SKAP1: variants seen among roughly 807,000 people sequenced by gnomAD.
The protein encoded by SKAP1 is src kinase-associated phosphoprotein 1.
A neutral mutation model predicts 58.5 loss-of-function variants in SKAP1; 44 were observed. The observed-to-expected ratio is 0.75, with a 90% confidence interval of 0.59 to 0.97. The LOEUF (loss-of-function observed/expected upper bound fraction) is 0.97, where lower values mean the gene tolerates loss of function less well. Among genes scored for constraint, SKAP1 ranks in the 50% least tolerant of loss-of-function variants. The pLI, the probability that SKAP1 is intolerant of heterozygous loss-of-function variation, is 0.00. For synonymous variants in SKAP1, 127 were observed against 149.7 expected, an observed-to-expected ratio of 0.85 and a Z score of 1.11; for missense variants, 390 against 435.2, an observed-to-expected ratio of 0.90 and a Z score of 0.92.
At chr17:48,381,138 T>C (rs576421912) in intron 2 of SKAP1, among the ~76,000 whole-genome samples, 1 of 152,332 alleles carries the variant, frequency 6.6e-6, no homozygotes, top group South Asian at 2.1e-4. Context: ...TTTTCTGCCT[T>C]CCAGTGGCCT....
chr17:48,398,944 C>T (rs2067457735), intron 1 of SKAP1, among the ~76,000 whole-genome samples: 1 of 152,112 alleles, frequency 6.6e-6, no homozygotes, highest in Admixed American at 6.5e-5. Flanking sequence ...TCACTTGAAC[C>T]AGGGAGTTGG....
At chr17:48,352,951 T>C (rs1045217068) in intron 3 of SKAP1, among the ~76,000 whole-genome samples, 1 of 152,166 alleles carries the variant, frequency 6.6e-6, no homozygotes, top group African/African-American at 2.4e-5. Context: ...AGCCAGTGAG[T>C]TGACTTTATG....
At chr17:48,180,880 G>T (rs1264349601) in intron 8 of SKAP1, among the ~76,000 whole-genome samples, 1 of 152,212 alleles carries the variant, frequency 6.6e-6, no homozygotes, top group East Asian at 1.9e-4. Flanking sequence ...CAGTCTAGCT[G>T]ACCTTAAAGT....
In SKAP1 at chr17:48,137,360, C is replaced by T. The variant is rs755897488; in HGVS notation, c.979-23G>A. Reference sequence around the variant, plus strand: ...CTCCTGAAAAGTGAAAAGAGGATAGCGTCAGTTAGAATTTGTTCATGCTTC... The same window carrying T: ...CTCCTGAAAAGTGAAAAGAGGATAGTGTCAGTTAGAATTTGTTCATGCTTC... On this transcript the variant is annotated intron_variant, in intron 11 of 12. Transcript: ENST00000336915. 46 of 1,523,942 alleles carry T rather than the reference C, an allele frequency of 3.0e-5. No homozygotes were observed. The East Asian group carries it at 6.3e-4, about 21-fold the overall frequency. 94.4% of individuals were successfully genotyped at this position (1,523,942 alleles called of 1,614,324 possible). A position where few individuals can be genotyped will look rare whatever the true frequency, so the allele number is the denominator to read the frequency against.
intron 3 of SKAP1, among the ~76,000 whole-genome samples, chr17:48,357,702 AT>A (rs1174158065): frequency 6.6e-6 from 1 of 152,210 alleles, no homozygotes; most frequent in African/African-American, 2.4e-5. Flanking sequence ...GAAATGCATT[AT>A]TCTGCCCTTT....
chr17:48,239,814 C>A (rs2065223839), intron 4 of SKAP1, among the ~76,000 whole-genome samples: 1 of 143,266 alleles, frequency 7.0e-6, no homozygotes, highest in African/African-American at 2.6e-5. Context: ...CCACCCCCAC[C>A]AACAGTAATT....
At chr17:48,428,154 T>C (rs1333922565) in intron 1 of SKAP1, among the ~76,000 whole-genome samples, 3 of 152,184 alleles carry the variant, frequency 2.0e-5, no homozygotes, top group Admixed American at 6.5e-5. Context: ...TTACATTTTT[T>C]TCTCTACTTC....
At chr17:48,393,903 C>T (rs1425927786) in intron 2 of SKAP1, among the ~76,000 whole-genome samples, 3 of 151,938 alleles carry the variant, frequency 2.0e-5, no homozygotes, top group South Asian at 2.1e-4. Context: ...ACCACCCCCC[C>T]CAAATTTATC....
chr17:48,142,287 C>T (rs945879391), intron 11 of SKAP1, among the ~76,000 whole-genome samples: 29 of 152,218 alleles, frequency 1.9e-4, no homozygotes, highest in African/African-American at 5.5e-4. Flanking sequence ...CATGGTGAAA[C>T]CCTGTCTCTA....
intron 4 of SKAP1, among the ~76,000 whole-genome samples, chr17:48,192,313 G>A (rs1232052026): frequency 1.3e-5 from 2 of 151,594 alleles, no homozygotes; most frequent in Non-Finnish European, 2.9e-5. Flanking sequence ...CTTTTTAAAG[G>A]TCTTGTTAAA....
chr17:48,137,298 TG>T lies in SKAP1; in HGVS notation c.1017del (p.Asn339LysfsTer71). On this transcript the variant is annotated frameshift_variant, in exon 12 of 13. Transcript: ENST00000336915. LOFTEE classifies it high-confidence loss of function. ...NMYGWWVGEL[N>X]SLVGIVPKEY... is the part of the protein sequence containing the mutation. ...TCCTTTGGAACAATCCCAACGAGGC[TG>T]TTCAGTTCTCCCACCCACCAGCCAT... 6.2e-7 allele frequency: 1 copy of T among 1,613,870 alleles called. No individual in the cohort carries two copies. Among genetic ancestry groups the T allele is most frequent in the Non-Finnish European group, 8.5e-7 (1 of 1,179,794 alleles).
chr17:48,233,534 T>TAGTCCCAGCTACTCGGGAGGCTGA (rs1567831319), intron 4 of SKAP1, among the ~76,000 whole-genome samples: 8 of 151,980 alleles, frequency 5.3e-5, no homozygotes, highest in African/African-American at 1.9e-4. Flanking sequence ...AAAATTTTAC[T>TAGTCCCAGCTACTCGGGAGGCTGA]GTACTAATTG....
intron 4 of SKAP1, among the ~76,000 whole-genome samples, chr17:48,226,529 C>T (rs1212135399): frequency 6.6e-6 from 1 of 152,086 alleles, no homozygotes; most frequent in East Asian, 1.9e-4. Context: ...ACTTTAACTA[C>T]ATTATGTTCT....
chr17:48,406,225 A>G (rs534177326), intron 1 of SKAP1, among the ~76,000 whole-genome samples: 3 of 152,010 alleles, frequency 2.0e-5, no homozygotes, highest in Admixed American at 2.0e-4. Context: ...AGATCATGCC[A>G]CTGCACTCCA....
chr17:48,311,822 A>G (rs1373854339), intron 4 of SKAP1, among the ~76,000 whole-genome samples: 1 of 152,222 alleles, frequency 6.6e-6, no homozygotes, highest in East Asian at 1.9e-4. Context: ...TAGAGTTTAC[A>G]GACAGAAATC....
intron 4 of SKAP1, among the ~76,000 whole-genome samples, chr17:48,283,240 A>G (rs1294664534): frequency 6.6e-6 from 1 of 152,242 alleles, no homozygotes; most frequent in Non-Finnish European, 1.5e-5. Flanking sequence ...AGAGTAGACT[A>G]TGATACAGAG....
At chr17:48,387,461 A>T (rs2067291633) in intron 2 of SKAP1, among the ~76,000 whole-genome samples, 1 of 152,194 alleles carries the variant, frequency 6.6e-6, no homozygotes, top group Admixed American at 6.5e-5. Context: ...CTTCATCTCC[A>T]GTCCTCTTAG....
chr17:48,164,794 G>T (rs987062391), intron 10 of SKAP1, among the ~76,000 whole-genome samples: 3 of 152,200 alleles, frequency 2.0e-5, no homozygotes, highest in Admixed American at 6.5e-5. Context: ...GTTTGAACTT[G>T]CTAGCTAGCT....
intron 4 of SKAP1, among the ~76,000 whole-genome samples, chr17:48,341,179 G>C (rs959177384): frequency 5.3e-5 from 8 of 152,148 alleles, no homozygotes; most frequent in African/African-American, 1.9e-4. Flanking sequence ...TCGATAAATG[G>C]TTCCTATTAC....
Sources: allele counts gnomAD v4.1 joint callset (sites outside exome capture counted in the v4.1 genomes callset), GRCh38; gene constraint gnomAD v4.1.1; transcripts MANE v1.5; gene names NCBI Gene and HGNC (gene_info 2026-07-23, HGNC 2026-07-21).